TEDC1: variants seen among roughly 807,000 people sequenced by gnomAD.
The protein encoded by TEDC1 is tubulin epsilon and delta complex protein 1.
Under a neutral mutation model 59.9 loss-of-function variants are expected in TEDC1, and 54 were observed. The observed-to-expected ratio is 0.90, with a 90% CI of 0.72 to 1.13. TEDC1 has a LOEUF of 1.13. Among genes scored for constraint, TEDC1 ranks in the 50% most tolerant of loss-of-function variants. The pLI, the probability that TEDC1 is intolerant of heterozygous loss-of-function variation, is 0.00. For missense variants in TEDC1, 734 were observed against 683.4 expected, an observed-to-expected ratio of 1.07 and a Z score of -0.83; for synonymous variants, 353 against 298.1, an observed-to-expected ratio of 1.18 and a Z score of -1.90.
chr14:105,491,006 C>A (rs1034689649), upstream of TEDC1: 6 of 1,547,278 alleles, frequency 3.9e-6, no homozygotes, highest in East Asian at 1.5e-4. Context: ...GGAAGTGGGT[C>A]CGCACGAGAC....
At chr14:105,497,694 C>T in intron 7 of TEDC1, 104 bp from the exon 8 acceptor site, 11 of 1,369,002 alleles carry the variant, frequency 8.0e-6, no homozygotes, top group Non-Finnish European at 1.1e-5. Flanking sequence ...GAGATGGTGG[C>T]ATCCAGCCCG....
At chr14:105,491,929 C>T (rs1165933952) in intron 2 of TEDC1, among the ~76,000 whole-genome samples, 178 bp from the exon 3 acceptor site, 1 of 152,248 alleles carries the variant, frequency 6.6e-6, no homozygotes, top group Non-Finnish European at 1.5e-5. Flanking sequence ...GCCCTGGGGA[C>T]GTCCCTGTTG....
upstream of TEDC1, chr14:105,490,197 C>T (rs1272237372): frequency 6.6e-6 from 1 of 151,316 alleles, no homozygotes; most frequent in Non-Finnish European, 1.5e-5. Context: ...GGAGGGCCGC[C>T]TGGAAGAGGA....
chr14:105,498,072 C>G, intron 8 of TEDC1, 95 bp downstream of exon 8: 1 of 1,362,194 alleles, frequency 7.3e-7, no homozygotes, highest in Non-Finnish European at 9.6e-7. Flanking sequence ...CCTACAGTTG[C>G]ATTTGTCAAG....
At position 105,499,135 on chromosome 14, in the gene TEDC1, G is replaced by A. The variant is rs1035081271; in HGVS notation, c.*189G>A. ...CCCAGGCCTGTGGCTAGCAGCACTG[G>A]GGACAGGAATGGCTGGTCCCTTGAG... On this transcript the variant is annotated 3_prime_UTR_variant, in exon 9 of 9. Transcript: ENST00000392523. The A allele has an allele frequency of 9.3e-6, 6 of 647,252 alleles. No individual in the cohort carries two copies. Among genetic ancestry groups the A allele is most frequent in the East Asian group, 2.7e-5 (1 of 36,376 alleles). 40.1% of individuals were successfully genotyped at this position (647,252 alleles called of 1,614,324 possible). A position where few individuals can be genotyped will look rare whatever the true frequency, so the allele number is the denominator to read the frequency against.
intron 6 of TEDC1, 82 bp from the exon 7 acceptor site, chr14:105,497,275 G>A: frequency 7.3e-7 from 1 of 1,378,988 alleles, no homozygotes; most frequent in Non-Finnish European, 1.0e-6. Flanking sequence ...CCGGGTGTCG[G>A]CGCTGGGTCC....
intron 3 of TEDC1, 47 bp from the exon 4 acceptor site, chr14:105,492,532 G>A: frequency 6.6e-7 from 1 of 1,520,698 alleles, no homozygotes; most frequent in South Asian, 1.2e-5. Context: ...CCTTTTCTGG[G>A]GGGCAGGGTG....
rs782280822 is a variant in TEDC1, at chr14:105,498,910, C to T, written c.1452C>T (p.Arg484=). ...RQELARLVGA[R]PGLIWIPPPG... ...AACTGGCCAGGCTGGTGGGAGCCCG[C>T]CCTGGTCTCATCTGGATCCCGCCAC... The change falls in exon 9 of 9, where the codon CGC becomes CGT. Residue 484 remains arginine (R), a synonymous_variant. Coordinates refer to ENST00000392523, the MANE Select transcript of TEDC1 (RefSeq NM_001367178.1). The T allele has an allele frequency of 3.4e-5, 55 of 1,610,772 alleles. No individual in the cohort carries two copies. The East Asian group carries it at 1.2e-3, about 34-fold the overall frequency.
rs2141802418 is a variant in TEDC1, at chr14:105,495,935, A to G, written c.740A>G (p.His247Arg). ...NLDLAYPKCL[H>R]SFCTPGMGPR... is the part of the protein sequence containing the mutation. Reference sequence around the variant, plus strand: ...GACCTGGCCTACCCAAAGTGCCTGCACTCCTTCTGCACTCCTGGGATGGGT... The same window carrying G: ...GACCTGGCCTACCCAAAGTGCCTGCGCTCCTTCTGCACTCCTGGGATGGGT... Residue 247 changes from histidine (H) to arginine (R), a missense_variant, in exon 6 of 9, where the codon CAC becomes CGC. Transcript: ENST00000392523. 6.5e-7 allele frequency: 1 copy of G among 1,550,070 alleles called. No homozygotes were observed. Among genetic ancestry groups the G allele is most frequent in the East Asian group, 2.4e-5 (1 of 40,912 alleles).
chr14:105,491,186 G>C (rs1397360893), upstream of TEDC1: 5 of 1,548,606 alleles, frequency 3.2e-6, no homozygotes, highest in Non-Finnish European at 3.5e-6. Flanking sequence ...GTGATTGGGC[G>C]CAGGTCCCAG....
chr14:105,498,778 A>G lies in TEDC1; in HGVS notation c.1320A>G (p.Ala440=). Residue 440 remains alanine (A), a synonymous_variant, in exon 9 of 9, where the codon GCA becomes GCG. Transcript: ENST00000392523. ...GGCTGGTGAGACGAGAGGATGGGGC[A>G]GCAGGGGACCGGGACCTGCGGGCAG... ...PHRLVRREDG[A]AGDRDLRAAV... is the part of the protein sequence containing the mutation. 1.3e-6 allele frequency: 2 copies of G among 1,573,334 alleles called. No homozygotes were observed. Among genetic ancestry groups the G allele is most frequent in the Non-Finnish European group, 1.7e-6 (2 of 1,160,452 alleles).
intron 4 of TEDC1, among the ~76,000 whole-genome samples, chr14:105,493,591 G>C (rs370797793): frequency 6.6e-6 from 1 of 152,140 alleles, no homozygotes; most frequent in Non-Finnish European, 1.5e-5. Flanking sequence ...GAAGCTGGGC[G>C]GGGTGGGGAG....
rs2084337619 is a variant in TEDC1 at position 105,496,043 on chromosome 14, C to T, written c.848C>T (p.Pro283Leu). The change falls in exon 6 of 9, where the codon CCT becomes CTT. Residue 283 changes from proline to leucine, a missense_variant. Coordinates refer to ENST00000392523, the MANE Select transcript of TEDC1 (RefSeq NM_001367178.1). ...LPGDWAAPLD[P>L]GGASACSLLS... Reference sequence around the variant, plus strand: ...GGTGACTGGGCAGCACCCTTGGATCCTGGTGGGGCCTCAGCCTGCAGCCTG... The same window carrying T: ...GGTGACTGGGCAGCACCCTTGGATCTTGGTGGGGCCTCAGCCTGCAGCCTG... The T allele has an allele frequency of 6.7e-7, 1 of 1,497,556 alleles. No individual in the cohort carries two copies. Among genetic ancestry groups the T allele is most frequent in the African/African-American group, 1.4e-5 (1 of 71,204 alleles). 92.8% of individuals were successfully genotyped at this position (1,497,556 alleles called of 1,614,324 possible).
chr14:105,492,275 G>T lies in TEDC1; in HGVS notation c.395G>T (p.Arg132Leu), dbSNP rs587708518. Residue 132 changes from arginine (R) to leucine (L), a missense_variant, in exon 3 of 9, where the codon CGA (arginine) becomes CTA (leucine). By Grantham distance (102) the Arg-to-Leu change is moderately radical. Transcript: ENST00000392523. ...CCCGAGCAGATGCTGGCCCAGGCCCGAGTGCCTCTGGGTGACGAGATGACT... is the reference window on the plus strand; with the variant it reads ...CCCGAGCAGATGCTGGCCCAGGCCCTAGTGCCTCTGGGTGACGAGATGACT... ...PVPEQMLAQA[R>L]VPLGDEMTVC... 1 of 1,607,904 alleles carries T rather than the reference G, an allele frequency of 6.2e-7. No homozygotes were observed. Among genetic ancestry groups the T allele is most frequent in the East Asian group, 2.2e-5 (1 of 44,884 alleles).
intron 6 of TEDC1, 180 bp from the exon 7 acceptor site, chr14:105,497,177 C>T (rs1595478202): frequency 2.9e-6 from 2 of 684,018 alleles, no homozygotes; most frequent in East Asian, 5.4e-5. Flanking sequence ...CCGCACCACA[C>T]CAGGGTGCCC....
intron 6 of TEDC1, 57 bp from the exon 7 acceptor site, chr14:105,497,300 C>A (rs1420129597): frequency 4.0e-6 from 6 of 1,500,262 alleles, no homozygotes; most frequent in Non-Finnish European, 4.5e-6. Flanking sequence ...GTCCATCCGA[C>A]TGTCTGTCCA....
At position 105,499,145 on chromosome 14, in the gene TEDC1, T is replaced by C; in HGVS notation, c.*199T>C. The stretch of plus-strand genomic sequence containing the variant: ...TGGCTAGCAGCACTGGGGACAGGAA[T>C]GGCTGGTCCCTTGAGGAGGTCGTGA... On this transcript the variant is annotated 3_prime_UTR_variant, in exon 9 of 9. Coordinates refer to ENST00000392523, the MANE Select transcript of TEDC1 (RefSeq NM_001367178.1). 1.6e-6 allele frequency: 1 copy of C among 623,964 alleles called. No individual in the cohort carries two copies. The highest frequency in any genetic ancestry group is 2.8e-6 in the Non-Finnish European group (1 of 360,138). 38.7% of individuals were successfully genotyped at this position (623,964 alleles called of 1,614,324 possible). A position where few individuals can be genotyped will look rare whatever the true frequency, so the allele number is the denominator to read the frequency against.
rs781932897 is a variant in TEDC1, at chr14:105,493,913, G to A, written c.664G>A (p.Asp222Asn). 2.8e-6 allele frequency: 4 copies of A among 1,426,522 alleles called. No individual in the cohort carries two copies. Among genetic ancestry groups the A allele is most frequent in the Non-Finnish European group, 3.8e-6 (4 of 1,066,612 alleles). The allele number at this position is 1,426,522 out of a possible 1,614,324, so 88.4% of individuals were successfully genotyped here. ...TGTCACTGAAGCAGAGATGCTCAGGGACCCAGAGGGAGGCCAGCAGGTGAG... is the reference window on the plus strand; with the variant it reads ...TGTCACTGAAGCAGAGATGCTCAGGAACCCAGAGGGAGGCCAGCAGGTGAG... ...LSVTEAEMLR[D>N]PEGGQQVSGA... Residue 222 changes from aspartate (D) to asparagine (N), a missense_variant, in exon 5 of 9, where the codon GAC becomes AAC. Asp to Asn is a conservative substitution (Grantham distance 23). Transcript: ENST00000392523.
Position 105,498,676 on chromosome 14 carries a change from T to C in TEDC1, c.1218T>C (p.Ala406=), listed in dbSNP as rs1555441017. The C allele has an allele frequency of 1.3e-6, 2 of 1,554,084 alleles. No individual in the cohort carries two copies. Among genetic ancestry groups the C allele is most frequent in the East Asian group, 2.4e-5 (1 of 41,308 alleles). ...CCGCGCGGCGGGCCTCTCGGGAGGC[T>C]GTGGAAAAGGAGCTGGGAGCTCTAC... ...WSAARRASRE[A]VEKELGALQQ... Residue 406 remains alanine, a synonymous_variant, in exon 9 of 9, where the codon GCT becomes GCC. Transcript: ENST00000392523.
Sources: gnomAD v4.1 joint callset for allele counts (sites outside exome capture counted in the v4.1 genomes callset) on GRCh38, gnomAD v4.1.1 for gene constraint, MANE v1.5 for transcripts, NCBI Gene and HGNC (gene_info 2026-07-23, HGNC 2026-07-21) for gene names.